Variants in DDX21 observed in about 807,000 individuals in gnomAD.
DDX21 encodes the protein DExD-box helicase 21, also known as nucleolar RNA helicase 2.
DDX21 carries 18 observed loss-of-function variants against 90.0 expected under a neutral mutation model. The ratio of observed to expected loss-of-function variants is 0.20; its 90% confidence interval spans 0.14 to 0.30. The LOEUF (loss-of-function observed/expected upper bound fraction) is 0.30. Ranked by LOEUF, DDX21 falls within the 10% of genes least tolerant of loss-of-function variation. DDX21 has a pLI of 1.00. For missense variants in DDX21, 673 were observed against 944.5 expected (o/e 0.71, Z 3.77); for synonymous variants, 294 against 318.0 (o/e 0.92, Z 0.80).
At chr10:68,961,946 CTT>C (rs1233309913) in intron 2 of DDX21, 134 bp from the exon 3 acceptor site, 1 of 595,536 alleles carries the variant, frequency 1.7e-6, no homozygotes, top group African/African-American at 1.9e-5. Context: ...GTTTTTGTAT[CTT>C]TTTGGTTGAT....
intron 1 of DDX21, among the ~76,000 whole-genome samples, chr10:68,958,639 G>C (rs1418336247): frequency 1.3e-5 from 2 of 152,096 alleles, no homozygotes; most frequent in African/African-American, 4.8e-5. Flanking sequence ...AGATTTCACT[G>C]TGTTAGCCAG....
intron 6 of DDX21, among the ~76,000 whole-genome samples, chr10:68,968,419 T>C (rs1426220068): frequency 6.6e-6 from 1 of 152,184 alleles, no homozygotes; most frequent in African/African-American, 2.4e-5. Flanking sequence ...TCTGAAAGCA[T>C]TGGAATTACA....
Position 68,959,901 on chromosome 10 carries a change from A to G in DDX21, c.183A>G (p.Lys61=). The change falls in exon 2 of 15, where the codon AAA becomes AAG. Residue 61 remains lysine (K), a synonymous_variant. Coordinates refer to ENST00000354185, the MANE Select transcript of DDX21 (RefSeq NM_004728.4). Reference sequence around the variant, plus strand: ...CCAAAGCTAAACAAGTTAAAAAGAAAGCAGAGCCTTCTGAAGTTGACATGA... The same window carrying G: ...CCAAAGCTAAACAAGTTAAAAAGAAGGCAGAGCCTTCTGAAGTTGACATGA... ...VFPKAKQVKK[K]AEPSEVDMNS... 2.5e-6 allele frequency: 4 copies of G among 1,606,768 alleles called. No homozygotes were observed. The highest frequency in any genetic ancestry group is 2.5e-6 in the Non-Finnish European group (3 of 1,178,664).
chr10:68,976,488 C>T (rs549980418), intron 11 of DDX21, among the ~76,000 whole-genome samples: 3 of 152,130 alleles, frequency 2.0e-5, no homozygotes, highest in Admixed American at 6.5e-5. Context: ...GGGGTTTCAC[C>T]GTGTTAGCCA....
chr10:68,980,661 A>G (rs1843172468), intron 13 of DDX21, among the ~76,000 whole-genome samples: 1 of 152,072 alleles, frequency 6.6e-6, no homozygotes, highest in Non-Finnish European at 1.5e-5. Flanking sequence ...ACATAGTTTG[A>G]CTATATTTTT....
chr10:68,970,208 C>T lies in DDX21; in HGVS notation c.1244C>T (p.Ala415Val), dbSNP rs376014630. ...TTTTTCTTCTTACATAAGCATCTGG[C>T]TATTAAGTGCCACTGGACTCAGAGG... ...QKTAITVEHL[A>V]IKCHWTQRAA... The change falls in exon 8 of 15, where the codon GCT becomes GTT. Residue 415 changes from alanine (A) to valine (V), a missense_variant. Ala to Val is a moderately conservative substitution (Grantham distance 64). This residue lies in a region of DDX21 where 218 missense variants were observed against 347.3 expected (regional missense o/e 0.63). Coordinates refer to ENST00000354185, the MANE Select transcript of DDX21 (RefSeq NM_004728.4). 1.9e-5 allele frequency: 30 copies of T among 1,602,218 alleles called. No homozygotes were observed. The highest frequency in any genetic ancestry group is 4.0e-5 in the African/African-American group (3 of 74,102).
chr10:68,963,616 A>C (rs1842900902), intron 4 of DDX21, 147 bp downstream of exon 4: 10 of 568,388 alleles, frequency 1.8e-5, no homozygotes, highest in Non-Finnish European at 2.6e-5. Context: ...AATCCAGGAC[A>C]ATTCTTTTAT....
chr10:68,956,410 C>A, intron 1 of DDX21, 98 bp downstream of exon 1: 1 of 1,552,186 alleles, frequency 6.4e-7, no homozygotes, highest in Non-Finnish European at 8.7e-7. Flanking sequence ...GAGCGCGCGG[C>A]GGATAACAGC....
chr10:68,975,630 A>G (rs755208229), intron 11 of DDX21, among the ~76,000 whole-genome samples: 70 of 152,190 alleles, frequency 4.6e-4, no homozygotes, highest in Non-Finnish European at 5.7e-4. Context: ...ATAGTTCAGG[A>G]AAGTTTTGTT....
At chr10:68,979,367 C>G (rs1843154048) in intron 13 of DDX21, among the ~76,000 whole-genome samples, 1 of 152,148 alleles carries the variant, frequency 6.6e-6, no homozygotes, top group Non-Finnish European at 1.5e-5. Context: ...CTGAGGCCTT[C>G]TCTTTGTTTA....
chr10:68,956,651 A>G (rs1259049465), intron 1 of DDX21: 3 of 1,151,246 alleles, frequency 2.6e-6, no homozygotes, highest in Non-Finnish European at 2.2e-6. Flanking sequence ...CGCCTCACAC[A>G]GTGCGCAGAG....
At chr10:68,973,710 G>C in intron 10 of DDX21, 46 bp downstream of exon 10, 1 of 1,586,534 alleles carries the variant, frequency 6.3e-7, no homozygotes. Context: ...GAGTTCTAAA[G>C]TCAGTCTTTG....
At chr10:68,961,823 ATCT>A (rs1376048128) in intron 2 of DDX21, among the ~76,000 whole-genome samples, 1 of 152,120 alleles carries the variant, frequency 6.6e-6, no homozygotes, top group African/African-American at 2.4e-5. Context: ...CTTAGTTGAG[ATCT>A]TAGTTGAGAT....
intron 12 of DDX21, 79 bp downstream of exon 12, chr10:68,977,767 C>T: frequency 7.2e-7 from 1 of 1,392,056 alleles, no homozygotes; most frequent in Non-Finnish European, 9.6e-7. Context: ...TTTAAGCTTC[C>T]CAGTTGTTTT....
intron 6 of DDX21, among the ~76,000 whole-genome samples, chr10:68,968,499 C>T (rs1370593533): frequency 6.6e-6 from 1 of 152,168 alleles, no homozygotes; most frequent in Non-Finnish European, 1.5e-5. Flanking sequence ...AATTACTGAG[C>T]TTAAAAGTGT....
chr10:68,968,522 C>T (rs1008109476), intron 6 of DDX21, among the ~76,000 whole-genome samples: 1 of 152,196 alleles, frequency 6.6e-6, no homozygotes, highest in Non-Finnish European at 1.5e-5. Context: ...AAAATTCATG[C>T]TCCTCAATAT....
chr10:68,973,411 G>A, intron 9 of DDX21, 134 bp from the exon 10 acceptor site: 2 of 1,074,010 alleles, frequency 1.9e-6, no homozygotes, highest in African/African-American at 3.2e-5. Context: ...TTAAATTGAA[G>A]TGCTAAGGGA....
chr10:68,956,770 C>G (rs1842803341), intron 1 of DDX21: 1 of 1,000,082 alleles, frequency 1.0e-6, no homozygotes, highest in Non-Finnish European at 1.2e-6. Context: ...AGGCCGGGTG[C>G]GGTGGCTCAC....
chr10:68,978,715 G>T (rs1201283689), intron 12 of DDX21, 127 bp from the exon 13 acceptor site: 21 of 1,252,362 alleles, frequency 1.7e-5, no homozygotes, highest in Non-Finnish European at 2.3e-5. Flanking sequence ...CGTACTAATT[G>T]TTTGTGTGAG....
Sources: gnomAD v4.1 joint callset for allele counts (sites outside exome capture counted in the v4.1 genomes callset) on GRCh38, gnomAD v4.1.1 for gene constraint, gnomAD v4.1.1 regional missense constraint, MANE v1.5 for transcripts, NCBI Gene and HGNC (gene_info 2026-07-23, HGNC 2026-07-21) for gene names.